The following ADCY5 variants were observed in gnomAD, a reference collection of about 807,000 sequenced individuals.
The protein encoded by ADCY5 is adenylate cyclase type 5.
A neutral mutation model predicts 119.7 loss-of-function variants in ADCY5; 30 were observed. That is an observed-to-expected ratio of 0.25 (90% CI 0.19 to 0.34). ADCY5 has a LOEUF of 0.34. ADCY5 is among the 10% of genes least tolerant of loss of function. The pLI, the probability that ADCY5 is intolerant of heterozygous loss-of-function variation, is 1.00. For synonymous variants in ADCY5, 753 were observed against 762.2 expected (o/e 0.99, Z 0.20); for missense variants, 1,324 against 1,775.2 (o/e 0.75, Z 4.57).
chr3:123,329,558 G>A (rs1308034316), intron 5 of ADCY5, among the ~76,000 whole-genome samples: 1 of 152,204 alleles, frequency 6.6e-6, no homozygotes, highest in Non-Finnish European at 1.5e-5. Flanking sequence ...AACCTGCCCA[G>A]CATCTGCAGG....
intron 7 of ADCY5, among the ~76,000 whole-genome samples, 183 bp downstream of exon 7, chr3:123,327,435 T>G (rs1193668601): frequency 3.9e-5 from 6 of 152,248 alleles, no homozygotes; most frequent in Non-Finnish European, 7.3e-5. Flanking sequence ...TATTAAAAGA[T>G]TCCCTCTTTA....
At chr3:123,376,588 C>T (rs559359451) in intron 1 of ADCY5, among the ~76,000 whole-genome samples, 12 of 152,220 alleles carry the variant, frequency 7.9e-5, no homozygotes, top group African/African-American at 1.9e-4. Flanking sequence ...TGGAAATCAC[C>T]GCCAGCCAAT....
chr3:123,419,007 G>C, intron 1 of ADCY5: 1 of 372,068 alleles, frequency 2.7e-6, no homozygotes, highest in Non-Finnish European at 3.7e-6. Context: ...TGGCTTTTCT[G>C]GTCCTCCAGC....
chr3:123,436,865 G>A (rs746180141), intron 1 of ADCY5, among the ~76,000 whole-genome samples: 3 of 152,118 alleles, frequency 2.0e-5, no homozygotes, highest in Admixed American at 6.5e-5. Flanking sequence ...ATCCTGCCAC[G>A]GAGGTCTGCA....
chr3:123,350,726 A>C (rs1942799121), intron 2 of ADCY5, among the ~76,000 whole-genome samples: 1 of 152,236 alleles, frequency 6.6e-6, no homozygotes, highest in East Asian at 1.9e-4. Context: ...CCGAATATGG[A>C]ATGGCAAAAA....
intron 3 of ADCY5, among the ~76,000 whole-genome samples, chr3:123,340,818 T>C (rs1224822298): frequency 1.3e-5 from 2 of 152,124 alleles, no homozygotes; most frequent in Non-Finnish European, 2.9e-5. Context: ...ATTCTAGATA[T>C]ACACCCACCA....
Position 123,286,645 on chromosome 3 carries a change from C to A in ADCY5, c.3657+40G>T. 6.4e-7 allele frequency: 1 copy of A among 1,551,330 alleles called. No individual in the cohort carries two copies. The highest frequency in any genetic ancestry group is 1.2e-5 in the South Asian group (1 of 81,456). ...GACCTCTCGGTGTCAGACACAGGAC[C>A]TCCCATGGGGTGAGGGGTGGTGGAT... On this transcript the variant is annotated intron_variant, in intron 20 of 20. Coordinates refer to ENST00000462833, the MANE Select transcript of ADCY5 (RefSeq NM_183357.3). This position sits in a 1 kb window ranked among gnomAD's most constrained non-coding sequence, Gnocchi z 4.2.
chr3:123,381,891 C>G (rs1294266798), intron 1 of ADCY5, among the ~76,000 whole-genome samples: 1 of 152,166 alleles, frequency 6.6e-6, no homozygotes, highest in Non-Finnish European at 1.5e-5. Context: ...AAATGTGAGT[C>G]AGAATCACAT....
chr3:123,298,829 A>ATTTTTTTTTTTTTT (rs1939668224), intron 15 of ADCY5, among the ~76,000 whole-genome samples: 1 of 5,816 alleles, frequency 1.7e-4, no homozygotes, highest in African/African-American at 5.9e-4. Flanking sequence ...CAAAACTGTC[A>ATTTTTTTTTTTTTT]CTTTTTTTTT....
intron 8 of ADCY5, among the ~76,000 whole-genome samples, chr3:123,321,447 C>T (rs751463778): frequency 2.6e-5 from 4 of 152,170 alleles, no homozygotes; most frequent in Non-Finnish European, 5.9e-5. Context: ...ACTCAAAGCC[C>T]TCTTGAATCT....
chr3:123,416,389 T>A, intron 1 of ADCY5: 1 of 1,476,918 alleles, frequency 6.8e-7, no homozygotes, highest in Non-Finnish European at 9.0e-7. Flanking sequence ...CCAGGCTGCT[T>A]AACAGTGGAA....
At chr3:123,307,092 G>C (rs1051099062) in intron 12 of ADCY5, among the ~76,000 whole-genome samples, 3 of 152,044 alleles carry the variant, frequency 2.0e-5, no homozygotes, top group African/African-American at 4.8e-5. Context: ...ATCAGGGCAG[G>C]GGGAGTGACT....
intron 15 of ADCY5, 99 bp downstream of exon 15, chr3:123,300,021 G>C (rs778343585): frequency 1.4e-5 from 19 of 1,322,226 alleles, no homozygotes; most frequent in South Asian, 1.2e-4. Flanking sequence ...TACTCTCCTC[G>C]CAAGTTCCCT....
intron 1 of ADCY5, among the ~76,000 whole-genome samples, chr3:123,387,160 C>G (rs1266633530): frequency 6.6e-6 from 1 of 152,206 alleles, no homozygotes; most frequent in Non-Finnish European, 1.5e-5. Flanking sequence ...TAGATACACA[C>G]AGACACATGT....
chr3:123,402,851 T>C (rs2107611366), intron 1 of ADCY5, among the ~76,000 whole-genome samples: 2 of 130,532 alleles, frequency 1.5e-5, no homozygotes, highest in African/African-American at 5.9e-5. Flanking sequence ...AGACTCAGTC[T>C]CAGGAAAAAA....
At chr3:123,440,838 G>T (rs933526334) in intron 1 of ADCY5, among the ~76,000 whole-genome samples, 3 of 152,154 alleles carry the variant, frequency 2.0e-5, no homozygotes, top group Admixed American at 2.0e-4. Flanking sequence ...TTGGGGCGAG[G>T]GGGCAAGAGA....
Position 123,352,261 on chromosome 3 carries a change from C to T in ADCY5, c.1284+171G>A, listed in dbSNP as rs1400724723. ...GGGTAGAACTCACTTCCCACAGGGC[C>T]TGGAATGCTGGACTCTCTCCAGGGG... On this transcript the variant is annotated intron_variant, in intron 2 of 20. Transcript: ENST00000462833. This position sits in a 1 kb window ranked among gnomAD's most constrained non-coding sequence, Gnocchi z 4.8. Among the ~76,000 whole-genome samples the T allele has an allele frequency of 1.3e-5, 2 of 152,138 alleles. No homozygotes were observed. The highest frequency in any genetic ancestry group is 1.9e-4 in the East Asian group (1 of 5,188).
At chr3:123,394,428 G>A (rs1944485589) in intron 1 of ADCY5, among the ~76,000 whole-genome samples, 2 of 152,044 alleles carry the variant, frequency 1.3e-5, no homozygotes, top group Admixed American at 6.6e-5. Context: ...GCATCTGATG[G>A]GACAAAGTAG....
chr3:123,304,660 A>C (rs973661357), intron 12 of ADCY5, among the ~76,000 whole-genome samples: 1 of 151,912 alleles, frequency 6.6e-6, no homozygotes, highest in Non-Finnish European at 1.5e-5. Context: ...GGGAGGAGGG[A>C]CTGACCAGCG....
Sources: allele counts gnomAD v4.1 joint callset (sites outside exome capture counted in the v4.1 genomes callset), GRCh38; gene constraint gnomAD v4.1.1; non-coding constraint Gnocchi (gnomAD v3.1); transcripts MANE v1.5; gene names NCBI Gene and HGNC (gene_info 2026-07-23, HGNC 2026-07-21).